Variants in FARP1 observed in about 807,000 individuals in gnomAD.
The protein encoded by FARP1 is FERM, ARH/RhoGEF and pleckstrin domain protein 1, also known as FERM, ARHGEF and pleckstrin domain-containing protein 1.
FARP1 carries 52 observed loss-of-function variants against 128.8 expected under a neutral mutation model. That is an observed-to-expected ratio of 0.40 (90% CI 0.32 to 0.51). The LOEUF (loss-of-function observed/expected upper bound fraction) is 0.51, where lower values mean the gene tolerates loss of function less well. FARP1 is among the 20% of genes least tolerant of loss of function. FARP1 has a pLI of 0.45. For synonymous variants in FARP1, 580 were observed against 551.8 expected, an observed-to-expected ratio of 1.05 and a Z score of -0.72; for missense variants, 1,333 against 1,367.9, an observed-to-expected ratio of 0.97 and a Z score of 0.40.
intron 1 of FARP1, among the ~76,000 whole-genome samples, chr13:98,153,286 A>G (rs572507648): frequency 1.5e-3 from 25 of 16,716 alleles, no homozygotes; most frequent in African/African-American, 2.3e-3. Flanking sequence ...TATATATATA[A>G]AATATATATA....
intron 9 of FARP1, 166 bp from the exon 10 acceptor site, chr13:98,389,791 T>G (rs1395127392): frequency 1.6e-6 from 1 of 632,014 alleles, no homozygotes; most frequent in Non-Finnish European, 2.7e-6. Flanking sequence ...CATCTTGTCC[T>G]TAAGAATAAC....
chr13:98,160,333 A>T (rs1367655325), intron 1 of FARP1, among the ~76,000 whole-genome samples: 1 of 152,130 alleles, frequency 6.6e-6, no homozygotes, highest in Non-Finnish European at 1.5e-5. Context: ...GGTGCTGGGG[A>T]GTGGCTATCC....
chr13:98,293,762 G>A (rs1885546151), intron 2 of FARP1, among the ~76,000 whole-genome samples: 3 of 152,184 alleles, frequency 2.0e-5, no homozygotes, highest in Admixed American at 2.0e-4. Flanking sequence ...GGATTTATCG[G>A]GTTAACATGG....
Position 98,379,195 on chromosome 13 carries a change from TAA to T in FARP1, c.496+1278_496+1279del, listed in dbSNP as rs777094611. Among the ~76,000 whole-genome samples, 10 of 75,930 alleles carry T rather than the reference TAA, an allele frequency of 1.3e-4. 1 individual carries two copies. The highest frequency in any genetic ancestry group is 5.4e-3 in the Middle Eastern group (1 of 186). The allele number at this position is 75,930 out of a possible 152,430, so 49.8% of individuals were successfully genotyped here. A position where few individuals can be genotyped will look rare whatever the true frequency, so the allele number is the denominator to read the frequency against. On this transcript the variant is annotated intron_variant, in intron 6 of 26. Transcript: ENST00000319562. ...ATCTATATATAATATATATAATATA[TAA>T]TATATATATAATATATAATATATAA...
At chr13:98,427,085 A>G (rs1461725479) in intron 17 of FARP1, among the ~76,000 whole-genome samples, 2 of 152,054 alleles carry the variant, frequency 1.3e-5, no homozygotes, top group Non-Finnish European at 2.9e-5. Flanking sequence ...TTGGTGGTGT[A>G]CATTCTCTGG....
chr13:98,395,349 G>T lies in FARP1; in HGVS notation c.1287G>T (p.Ala429=), dbSNP rs200801295. ...AGCCGGGGTCGCACCCGAGCCCTGC[G>T]CCGAGGAGAAGCCCCGCGGGTAACA... is the stretch of plus-strand genomic sequence containing the variant. ...AGEPGSHPSP[A]PRRSPAGNKQ... is the part of the protein sequence containing the mutation. The change falls in exon 13 of 27, where the codon GCG becomes GCT. Residue 429 remains alanine, a synonymous_variant. Coordinates refer to ENST00000319562, the MANE Select transcript of FARP1 (RefSeq NM_005766.4). 1.3e-4 allele frequency: 216 copies of T among 1,611,726 alleles called. 1 individual carries two copies. The Admixed American group carries it at 1.7e-3, about 13-fold the overall frequency.
At position 98,260,307 on chromosome 13, in the gene FARP1, A is replaced by G. The variant is rs148965395; in HGVS notation, c.171+46894A>G. ...CATCTGACTGTAAAGTCTGTCTTAT[A>G]TTTCAAGGTGTTACTAATCATGGGT... is the stretch of plus-strand genomic sequence containing the variant. On this transcript the variant is annotated intron_variant, in intron 2 of 26. Coordinates refer to ENST00000319562, the MANE Select transcript of FARP1 (RefSeq NM_005766.4). Among the ~76,000 whole-genome samples the G allele has an allele frequency of 3.0e-3, 457 of 152,306 alleles. 4 individuals are homozygous for G. The highest frequency in any genetic ancestry group is 0.01 in the African/African-American group (423 of 41,564).
chr13:98,286,251 G>C (rs1885162073), intron 2 of FARP1, among the ~76,000 whole-genome samples: 1 of 152,060 alleles, frequency 6.6e-6, no homozygotes, highest in African/African-American at 2.4e-5. Flanking sequence ...GCTCCTTCCT[G>C]AGCACAAGCC....
chr13:98,209,469 AAG>A (rs1880519305), intron 1 of FARP1, among the ~76,000 whole-genome samples: 2 of 111,278 alleles, frequency 1.8e-5, no homozygotes, highest in South Asian at 6.5e-4. Context: ...CTGGGGAGGA[AAG>A]ATTTTTTTTT....
chr13:98,413,165 G>T (rs1246483849), intron 16 of FARP1, among the ~76,000 whole-genome samples: 3 of 152,186 alleles, frequency 2.0e-5, no homozygotes, highest in African/African-American at 7.2e-5. Flanking sequence ...ATACCTGGAG[G>T]ATAATTCATG....
rs201040412 is a variant in FARP1 at position 98,213,359 on chromosome 13, C to T, written c.117C>T (p.Leu39=). 7.3e-5 allele frequency: 118 copies of T among 1,614,102 alleles called. No homozygotes were observed. The East Asian group carries it at 1.8e-3, about 24-fold the overall frequency. ...QKPPPTPSGK[L]VSIKIQMLDD... is the part of the protein sequence containing the mutation. ...CGCCCCCAACACCTTCAGGAAAACT[C>T]GTGTCCATCAAAATCCAGATGCTGG... The change falls in exon 2 of 27, where the codon CTC becomes CTT. Residue 39 remains leucine (L), a synonymous_variant. Coordinates refer to ENST00000319562, the MANE Select transcript of FARP1 (RefSeq NM_005766.4).
At chr13:98,308,139 G>C (rs1436121410) in intron 2 of FARP1, among the ~76,000 whole-genome samples, 1 of 149,678 alleles carries the variant, frequency 6.7e-6, no homozygotes, top group Non-Finnish European at 1.5e-5. Flanking sequence ...TCCTCCTGTG[G>C]CTCCACAGCA....
At chr13:98,361,265 C>T (rs1888862133) in intron 3 of FARP1, among the ~76,000 whole-genome samples, 1 of 152,210 alleles carries the variant, frequency 6.6e-6, no homozygotes, top group Non-Finnish European at 1.5e-5. Context: ...GTGTGATCGG[C>T]TTCTTGCAGT....
chr13:98,341,904 T>C (rs1887990444), intron 2 of FARP1, among the ~76,000 whole-genome samples: 1 of 152,200 alleles, frequency 6.6e-6, no homozygotes, highest in Non-Finnish European at 1.5e-5. Flanking sequence ...CAGACATTGA[T>C]TGATTGCCAG....
At chr13:98,367,167 G>GATGATT (rs1889121654) in intron 4 of FARP1, among the ~76,000 whole-genome samples, 1 of 151,976 alleles carries the variant, frequency 6.6e-6, no homozygotes, top group African/African-American at 2.4e-5. Flanking sequence ...TGATGATGAT[G>GATGATT]ATGATTGAGA....
At chr13:98,441,747 T>C (rs1892534131) in intron 24 of FARP1, among the ~76,000 whole-genome samples, 1 of 152,124 alleles carries the variant, frequency 6.6e-6, no homozygotes, top group Non-Finnish European at 1.5e-5. Flanking sequence ...TGACCCGCCT[T>C]AAGGAAGGGG....
chr13:98,291,210 A>G (rs1221050097), intron 2 of FARP1, among the ~76,000 whole-genome samples: 1 of 152,216 alleles, frequency 6.6e-6, no homozygotes, highest in African/African-American at 2.4e-5. Flanking sequence ...TTCCTACAGT[A>G]AAGTAAGCTA....
chr13:98,447,845 A>AG (rs2139186686), intron 26 of FARP1: 1 of 72,826 alleles, frequency 1.4e-5, no homozygotes, highest in South Asian at 1.7e-4. Context: ...ACCCTGTCTC[A>AG]AAAAAAAAAG....
intron 13 of FARP1, 93 bp downstream of exon 13, chr13:98,395,569 C>G (rs1242296350): frequency 7.0e-7 from 1 of 1,424,776 alleles, no homozygotes; most frequent in East Asian, 2.3e-5. Flanking sequence ...TCTTAGAGAA[C>G]AAGCGTCCCG....
Sources: gnomAD v4.1 joint callset for allele counts (sites outside exome capture counted in the v4.1 genomes callset) on GRCh38, gnomAD v4.1.1 for gene constraint, MANE v1.5 for transcripts, NCBI Gene and HGNC (gene_info 2026-07-23, HGNC 2026-07-21) for gene names.